The following CCDC60 variants were observed in gnomAD, a reference collection of about 807,000 sequenced individuals.
CCDC60 encodes the protein coiled-coil domain-containing protein 60.
Under a neutral mutation model 63.5 loss-of-function variants are expected in CCDC60, and 54 were observed. The ratio of observed to expected loss-of-function variants is 0.85; its 90% CI spans 0.68 to 1.07. The LOEUF (loss-of-function observed/expected upper bound fraction) is 1.07. Among genes scored for constraint, CCDC60 ranks in the 50% least tolerant of loss-of-function variants. CCDC60 has a pLI of 0.00. For missense variants in CCDC60, 651 were observed against 684.3 expected (o/e 0.95, Z 0.54); for synonymous variants, 206 against 238.8 (o/e 0.86, Z 1.27).
At chr12:119,358,528 T>C (rs1163519566) in intron 1 of CCDC60, among the ~76,000 whole-genome samples, 1 of 152,166 alleles carries the variant, frequency 6.6e-6, no homozygotes, top group Non-Finnish European at 1.5e-5. Flanking sequence ...AAGTAGTCTG[T>C]TATAGCAGCA....
At position 119,420,098 on chromosome 12, in the gene CCDC60, G is replaced by A. The variant is rs945163602; in HGVS notation, c.91-8585G>A. 2.0e-5 allele frequency among the ~76,000 whole-genome samples: 3 copies of A among 151,854 alleles called. No homozygotes were observed. The highest frequency in any genetic ancestry group is 2.9e-5 in the Non-Finnish European group (2 of 67,952). On this transcript the variant is annotated intron_variant, in intron 1 of 13. Transcript: ENST00000327554. This position sits in a 1 kb window ranked among gnomAD's most constrained non-coding sequence, Gnocchi z 4.1. ...TCACCGTGTTAGCCGGGATGGTCTC[G>A]AACTCCTGACCTCGTGATCCACCCG...
chr12:119,346,997 G>A (rs929311680), intron 1 of CCDC60, among the ~76,000 whole-genome samples: 1 of 151,692 alleles, frequency 6.6e-6, no homozygotes, highest in African/African-American at 2.4e-5. Flanking sequence ...GCTAACTTTT[G>A]TATTTTTAAT....
At chr12:119,407,447 A>T (rs1956514553) in intron 1 of CCDC60, among the ~76,000 whole-genome samples, 1 of 152,190 alleles carries the variant, frequency 6.6e-6, no homozygotes, top group Non-Finnish European at 1.5e-5. Context: ...AAGGAGGATC[A>T]CTTGAGCCCG....
intron 1 of CCDC60, among the ~76,000 whole-genome samples, chr12:119,394,993 G>T (rs6490253): frequency 0.67 from 102,281 of 152,114 alleles, 34,701 homozygotes; most frequent in East Asian, 0.84. Context: ...ATAATGGTGA[G>T]GATACTTAAG....
At chr12:119,515,126 T>A (rs570952347) in intron 7 of CCDC60, among the ~76,000 whole-genome samples, 17 of 152,280 alleles carry the variant, frequency 1.1e-4, no homozygotes, top group African/African-American at 4.1e-4. Flanking sequence ...CGCCTAATGA[T>A]GCATTTCTCA....
At chr12:119,423,466 G>A (rs1956849316) in intron 1 of CCDC60, among the ~76,000 whole-genome samples, 1 of 152,172 alleles carries the variant, frequency 6.6e-6, no homozygotes, top group African/African-American at 2.4e-5. Context: ...GGCCCTTGCA[G>A]CTGGCTTCCA....
intron 1 of CCDC60, among the ~76,000 whole-genome samples, chr12:119,336,144 A>G (rs985097849): frequency 6.6e-6 from 1 of 150,618 alleles, no homozygotes; most frequent in Admixed American, 6.6e-5. Flanking sequence ...ACCTGATGCT[A>G]GATGACGAGT....
intron 5 of CCDC60, among the ~76,000 whole-genome samples, chr12:119,491,398 G>A (rs1015891787): frequency 4.6e-5 from 7 of 152,050 alleles, no homozygotes; most frequent in African/African-American, 1.2e-4. Flanking sequence ...GCGCGATCTC[G>A]GCTCACTGCA....
chr12:119,537,312 A>C (rs575661814), intron 13 of CCDC60, among the ~76,000 whole-genome samples: 1 of 152,298 alleles, frequency 6.6e-6, no homozygotes, highest in Non-Finnish European at 1.5e-5. Flanking sequence ...CCATTCGTCT[A>C]ATCTTTTTTC....
intron 1 of CCDC60, among the ~76,000 whole-genome samples, chr12:119,350,453 A>C (rs146409966): frequency 0.017 from 2,538 of 152,032 alleles, 60 homozygotes; most frequent in African/African-American, 0.057. Flanking sequence ...GGCTGGTCTC[A>C]AACTCCTTAC....
At position 119,524,716 on chromosome 12, in the gene CCDC60, C is replaced by CTTTTTTTTTTTTTTTTTTTTTT. The variant is rs1416953138; in HGVS notation, c.1229+902_1229+903insTTTTTTTTTTTTTTTTTTTTTT. Reference sequence around the variant, plus strand: ...AGGAAACAGCAGTTTCTTTTCTTTTCTTTTCTTTTTTTTTTTTTTTTTTTG... The same window carrying CTTTTTTTTTTTTTTTTTTTTTT: ...AGGAAACAGCAGTTTCTTTTCTTTTCTTTTTTTTTTTTTTTTTTTTTTTTTTCTTTTTTTTTTTTTTTTTTTG... On this transcript the variant is annotated intron_variant, in intron 11 of 13. Coordinates refer to ENST00000327554, the MANE Select transcript of CCDC60 (RefSeq NM_178499.5). 1.9e-4 allele frequency among the ~76,000 whole-genome samples: 17 copies of CTTTTTTTTTTTTTTTTTTTTTT among 90,582 alleles called. 1 individual carries two copies. The highest frequency in any genetic ancestry group is 8.5e-4 in the African/African-American group (16 of 18,852). The allele number at this position is 90,582 out of a possible 152,430, so 59.4% of individuals were successfully genotyped here.
intron 3 of CCDC60, among the ~76,000 whole-genome samples, chr12:119,477,645 GAAAC>G (rs1951203826): frequency 6.6e-6 from 1 of 152,174 alleles, no homozygotes; most frequent in Non-Finnish European, 1.5e-5. Flanking sequence ...CTGCAGCTCA[GAAAC>G]TAAAAGGCCT....
At chr12:119,500,366 A>G (rs1441455003) in intron 6 of CCDC60, among the ~76,000 whole-genome samples, 198 bp downstream of exon 6, 2 of 152,062 alleles carry the variant, frequency 1.3e-5, no homozygotes. Flanking sequence ...TATAGGAGAA[A>G]TGACATTTGG....
In CCDC60 at chr12:119,412,767, C is replaced by G. The variant is rs910474421; in HGVS notation, c.91-15916C>G. Among the ~76,000 whole-genome samples, 2 of 120,762 alleles carry G rather than the reference C, an allele frequency of 1.7e-5. 1 individual carries two copies. The highest frequency in any genetic ancestry group is 1.8e-4 in the Admixed American group (2 of 11,240). The allele number at this position is 120,762 out of a possible 152,430, so 79.2% of individuals were successfully genotyped here. A position where few individuals can be genotyped will look rare whatever the true frequency, so the allele number is the denominator to read the frequency against. On this transcript the variant is annotated intron_variant, in intron 1 of 13. Transcript: ENST00000327554. ...AAAAGACAGGTAAAGCCCCCCACCC[C>G]CCCCCACCCCCCCATGCAGGAATGG...
intron 4 of CCDC60, among the ~76,000 whole-genome samples, chr12:119,487,515 T>C (rs577995235): frequency 1.2e-4 from 18 of 152,176 alleles, no homozygotes; most frequent in African/African-American, 4.3e-4. Context: ...GCCAGGCTGG[T>C]CTTGAACTCC....
intron 2 of CCDC60, among the ~76,000 whole-genome samples, chr12:119,434,610 G>T (rs1204022362): frequency 1.3e-5 from 2 of 152,168 alleles, no homozygotes; most frequent in Non-Finnish European, 2.9e-5. Context: ...GACAAGAGTT[G>T]TTTATAAAGG....
At chr12:119,485,844 G>A (rs1951427135) in intron 4 of CCDC60, among the ~76,000 whole-genome samples, 2 of 152,260 alleles carry the variant, frequency 1.3e-5, no homozygotes, top group Admixed American at 6.5e-5. Flanking sequence ...AGCAAGAGAG[G>A]GAGAGGGTCA....
rs533414766 is a variant in CCDC60 at position 119,345,828 on chromosome 12, T to C, written c.90+10562T>C. ...TGTTTGTTTTTTGTTTTTTTTTGTT[T>C]GTTTGTTTTGAGACAGTCTCACTCT... On this transcript the variant is annotated intron_variant, in intron 1 of 13. Transcript: ENST00000327554. 3.3e-5 allele frequency among the ~76,000 whole-genome samples: 5 copies of C among 152,184 alleles called. No homozygotes were observed. In the South Asian group the frequency reaches 8.3e-4, roughly 25 times the overall value.
chr12:119,512,901 C>A (rs997190309), intron 7 of CCDC60, among the ~76,000 whole-genome samples: 2 of 152,146 alleles, frequency 1.3e-5, no homozygotes, highest in Admixed American at 6.5e-5. Flanking sequence ...TCTCAAAAGT[C>A]TCCTCTCTTT....
Sources: gnomAD v4.1 joint callset for allele counts (sites outside exome capture counted in the v4.1 genomes callset) on GRCh38, gnomAD v4.1.1 for gene constraint, Gnocchi (gnomAD v3.1) non-coding constraint, MANE v1.5 for transcripts, NCBI Gene and HGNC (gene_info 2026-07-23, HGNC 2026-07-21) for gene names.